CBLIF: variants seen among roughly 807,000 people sequenced by gnomAD.
CBLIF encodes the protein gastric intrinsic factor (vitamin B synthesis).
A neutral mutation model predicts 44.9 loss-of-function variants in CBLIF; 24 were observed. The ratio of observed to expected loss-of-function variants is 0.53; its 90% CI spans 0.39 to 0.75. The LOEUF (loss-of-function observed/expected upper bound fraction) is 0.75. Ranked by LOEUF, CBLIF falls within the 30% of genes least tolerant of loss-of-function variation. The pLI, the probability that CBLIF is intolerant of heterozygous loss-of-function variation, is 0.00. For missense variants in CBLIF, 481 were observed against 513.0 expected (o/e 0.94, Z 0.60); for synonymous variants, 183 against 190.9 (o/e 0.96, Z 0.34).
At chr11:59,836,365 A>G (rs1302942735) in intron 6 of CBLIF, among the ~76,000 whole-genome samples, 1 of 152,144 alleles carries the variant, frequency 6.6e-6, no homozygotes, top group East Asian at 1.9e-4. Flanking sequence ...AAGAGGAATG[A>G]TGCTTTGTGT....
intron 7 of CBLIF, among the ~76,000 whole-genome samples, 194 bp from the exon 8 acceptor site, chr11:59,831,990 C>T (rs376389909): frequency 9.2e-5 from 14 of 152,144 alleles, no homozygotes; most frequent in East Asian, 5.8e-4. Flanking sequence ...AGCATCCACC[C>T]GCCAGGATAG....
rs541572319 is a variant in CBLIF, at chr11:59,845,490, C to T, written c.-37G>A. 1.7e-5 allele frequency: 23 copies of T among 1,321,298 alleles called. No homozygotes were observed. Among genetic ancestry groups the T allele is most frequent in the East Asian group, 9.2e-5 (4 of 43,482 alleles). The allele number at this position is 1,321,298 out of a possible 1,614,324, so 81.8% of individuals were successfully genotyped here. ...GTCTATGTCTCTCATCCACAGGTAC[C>T]GCGATTTGCAAGTGGAATATTTCTT... On this transcript the variant is annotated 5_prime_UTR_variant, in exon 1 of 9. Transcript: ENST00000257248.
At chr11:59,843,741 G>C (rs1298260093) in intron 2 of CBLIF, 138 bp downstream of exon 2, 1 of 724,702 alleles carries the variant, frequency 1.4e-6, no homozygotes, top group Non-Finnish European at 2.5e-6. Context: ...TACCTTCCAG[G>C]TATGTAAGGA....
chr11:59,831,569 C>G, intron 8 of CBLIF, 109 bp downstream of exon 8: 1 of 691,716 alleles, frequency 1.4e-6, no homozygotes, highest in Non-Finnish European at 2.6e-6. Flanking sequence ...TACACATGAT[C>G]TCATAATTAT....
intron 2 of CBLIF, among the ~76,000 whole-genome samples, chr11:59,843,410 A>G (rs747565125): frequency 5.3e-5 from 8 of 152,234 alleles, no homozygotes; most frequent in Non-Finnish European, 1.0e-4. Context: ...AAATACTCAT[A>G]TAGATTTATA....
At chr11:59,837,700 T>C (rs1001333685) in intron 5 of CBLIF, among the ~76,000 whole-genome samples, 1 of 151,806 alleles carries the variant, frequency 6.6e-6, no homozygotes, top group African/African-American at 2.4e-5. Flanking sequence ...ATAAACGGAG[T>C]AGACCCCTTG....
chr11:59,838,012 C>G (rs1866476955), intron 5 of CBLIF, among the ~76,000 whole-genome samples: 1 of 152,090 alleles, frequency 6.6e-6, no homozygotes. Context: ...TTTGAAGAAG[C>G]CCTGCAGCAG....
chr11:59,837,486 A>T (rs941292045), intron 5 of CBLIF, 135 bp from the exon 6 acceptor site: 2 of 739,202 alleles, frequency 2.7e-6, no homozygotes, highest in Admixed American at 2.0e-5. Flanking sequence ...AGCCAATGCT[A>T]TGTAAGGTTT....
chr11:59,834,258 T>TTCTC (rs767725728), intron 7 of CBLIF, among the ~76,000 whole-genome samples: 3 of 108,208 alleles, frequency 2.8e-5, no homozygotes, highest in African/African-American at 1.1e-4. Context: ...CTTTCTTTCT[T>TTCTC]TCTTTCTTTC....
intron 5 of CBLIF, chr11:59,840,900 T>C (rs1042605442): frequency 2.0e-5 from 9 of 447,478 alleles, no homozygotes; most frequent in Non-Finnish European, 3.6e-5. Context: ...TCATTTTTTT[T>C]CCCAAGAAAG....
At chr11:59,834,292 CTTTCTTTCTTT>C (rs1866419467) in intron 7 of CBLIF, among the ~76,000 whole-genome samples, 43 of 137,800 alleles carry the variant, frequency 3.1e-4, no homozygotes, top group African/African-American at 6.3e-4. Flanking sequence ...TTCTTTCTTT[CTTTCTTTCTTT>C]CTTTCTTTCT....
intron 3 of CBLIF, chr11:59,842,818 T>A: frequency 3.1e-6 from 2 of 644,046 alleles, no homozygotes; most frequent in Non-Finnish European, 5.5e-6. Context: ...TGGACAAGCT[T>A]GTGTCCTTGG....
chr11:59,843,259 GC>G (rs1267463639), intron 2 of CBLIF, 118 bp from the exon 3 acceptor site: 2 of 704,138 alleles, frequency 2.8e-6, no homozygotes, highest in African/African-American at 3.5e-5. Context: ...AATAATATGA[GC>G]AGTTCTTTGA....
At chr11:59,838,114 C>T (rs964969782) in intron 5 of CBLIF, among the ~76,000 whole-genome samples, 3 of 152,066 alleles carry the variant, frequency 2.0e-5, no homozygotes, top group Non-Finnish European at 4.4e-5. Flanking sequence ...TTCCTGAAAC[C>T]ACCTAATTCA....
At chr11:59,830,231 T>G (rs1041894605) in intron 8 of CBLIF, among the ~76,000 whole-genome samples, 6 of 149,246 alleles carry the variant, frequency 4.0e-5, no homozygotes, top group African/African-American at 7.6e-5. Context: ...GGCAATTACT[T>G]TCTTTTTTTT....
At chr11:59,842,819 G>A (rs377753412) in intron 3 of CBLIF, 8 of 643,590 alleles carry the variant, frequency 1.2e-5, no homozygotes, top group East Asian at 5.4e-5. Flanking sequence ...GGACAAGCTT[G>A]TGTCCTTGGG....
chr11:59,839,195 AG>A (rs1277259081), intron 5 of CBLIF, among the ~76,000 whole-genome samples: 2 of 152,176 alleles, frequency 1.3e-5, no homozygotes, highest in South Asian at 2.1e-4. Context: ...GAAACTTGAA[AG>A]CAATAGGATA....
intron 6 of CBLIF, 112 bp downstream of exon 6, chr11:59,837,062 C>T: frequency 1.2e-6 from 1 of 853,218 alleles, no homozygotes; most frequent in Non-Finnish European, 2.0e-6. Context: ...ATGTACTCTG[C>T]CCACATGGGA....
chr11:59,831,317 A>G (rs1185959725), intron 8 of CBLIF, among the ~76,000 whole-genome samples: 1 of 152,132 alleles, frequency 6.6e-6, no homozygotes, highest in African/African-American at 2.4e-5. Context: ...TGTACAAAGC[A>G]CATTTGTCCT....
Sources: gnomAD v4.1 joint callset for allele counts (sites outside exome capture counted in the v4.1 genomes callset) on GRCh38, gnomAD v4.1.1 for gene constraint, MANE v1.5 for transcripts, NCBI Gene and HGNC (gene_info 2026-07-23, HGNC 2026-07-21) for gene names.